The following GRIN2A variants were observed in gnomAD, a reference collection of about 807,000 sequenced individuals.
GRIN2A encodes the protein glutamate receptor ionotropic, NMDA 2A.
Under a neutral mutation model 113.4 loss-of-function variants are expected in GRIN2A, and 22 were observed. The observed-to-expected ratio is 0.19, with a 90% CI of 0.14 to 0.28. GRIN2A has a LOEUF of 0.28. Ranked by LOEUF, GRIN2A falls within the 10% of genes least tolerant of loss-of-function variation. The pLI is 1.00. For missense variants in GRIN2A, 1,502 were observed against 1,887.0 expected (o/e 0.80, Z 3.78); for synonymous variants, 827 against 738.4 (o/e 1.12, Z -1.94).
intron 4 of GRIN2A, among the ~76,000 whole-genome samples, chr16:9,887,874 C>T (rs2043615458): frequency 6.6e-6 from 1 of 152,132 alleles, no homozygotes; most frequent in South Asian, 2.1e-4. Context: ...GCCTGGCCAA[C>T]ATGGTGCAAC....
In GRIN2A at chr16:9,843,163, C is replaced by T. The variant is rs138482817; in HGVS notation, c.1329-2059G>A. Among the ~76,000 whole-genome samples the T allele has an allele frequency of 9.0e-3, 1,358 of 151,380 alleles. 14 individuals carry two copies. The highest frequency in any genetic ancestry group is 0.031 in the African/African-American group (1,266 of 41,228). ...AAGAAAGAAGCAAGCTATTTTGGAACGGTGAAAAACATGTTTTCTTTTTTA... is the reference window on the plus strand; with the variant it reads ...AAGAAAGAAGCAAGCTATTTTGGAATGGTGAAAAACATGTTTTCTTTTTTA... On this transcript the variant is annotated intron_variant, in intron 5 of 12. Transcript: ENST00000330684.
chr16:10,104,466 G>T (rs1890572010), intron 2 of GRIN2A, among the ~76,000 whole-genome samples: 1 of 152,120 alleles, frequency 6.6e-6, no homozygotes, highest in South Asian at 2.1e-4. Context: ...TAGAATGAAT[G>T]ACTTAATAAT....
chr16:10,052,679 C>T (rs558892683), intron 2 of GRIN2A, among the ~76,000 whole-genome samples: 1 of 152,184 alleles, frequency 6.6e-6, no homozygotes. Context: ...AGGCAGGAAG[C>T]TTCAATCACT....
chr16:9,796,615 G>C (rs1447555875), intron 11 of GRIN2A, among the ~76,000 whole-genome samples: 1 of 152,230 alleles, frequency 6.6e-6, no homozygotes, highest in Non-Finnish European at 1.5e-5. Flanking sequence ...TGTGCAGCTA[G>C]GCGTTCCTTT....
At chr16:9,802,871 G>C (rs909858127) in intron 10 of GRIN2A, among the ~76,000 whole-genome samples, 1 of 152,124 alleles carries the variant, frequency 6.6e-6, no homozygotes, top group African/African-American at 2.4e-5. Context: ...GTGCCTATGG[G>C]CTATTGCGGC....
rs892519665 is a variant in GRIN2A, at chr16:9,758,383, GAAGGGGCCAAGAACGCCA to G, written c.*4748_*4765del. 1 of 223,268 alleles carries G rather than the reference GAAGGGGCCAAGAACGCCA, an allele frequency of 4.5e-6. No individual in the cohort carries two copies. The highest frequency in any genetic ancestry group is 2.2e-5 in the African/African-American group (1 of 44,792). 13.8% of individuals were successfully genotyped at this position (223,268 alleles called of 1,614,324 possible). On this transcript the variant is annotated 3_prime_UTR_variant, in exon 13 of 13. Transcript: ENST00000330684. ...TCATCCCAGAGTTTTGTTTTTTAAA[GAAGGGGCCAAGAACGCCA>G]ACACCCATATTCTACTTAGGCTCTG...
rs188097168 is a variant in GRIN2A at position 9,977,350 on chromosome 16, A to G, written c.415-38799T>C. ...CCGGAGTTTGAATCCTGGGTTTATC[A>G]TTTGCTAATTGAGTGATTTTAGGAA... On this transcript the variant is annotated intron_variant, in intron 2 of 12. Coordinates refer to ENST00000330684, the MANE Select transcript of GRIN2A (RefSeq NM_001134407.3). Among the ~76,000 whole-genome samples the G allele has an allele frequency of 1.4e-3, 211 of 152,186 alleles. 2 individuals are homozygous for G. The highest frequency in any genetic ancestry group is 4.4e-4 in the Non-Finnish European group (30 of 68,020).
chr16:9,840,242 G>A (rs900244961), intron 7 of GRIN2A, among the ~76,000 whole-genome samples: 10 of 152,206 alleles, frequency 6.6e-5, no homozygotes, highest in Non-Finnish European at 1.2e-4. Context: ...AAGCAGACAC[G>A]TCTTACATGG....
In GRIN2A at chr16:9,830,656, A is replaced by G. The variant is rs139840216; in HGVS notation, c.1778-1004T>C. 5.5e-3 allele frequency among the ~76,000 whole-genome samples: 845 copies of G among 152,308 alleles called. 2 individuals are homozygous for G. The highest frequency in any genetic ancestry group is 0.016 in the African/African-American group (668 of 41,554). ...GCAATAAATAAAGTGGCAGAAGCAA[A>G]TTCACATTAATGGAAGTTATGAAGT... On this transcript the variant is annotated intron_variant, in intron 8 of 12. Coordinates refer to ENST00000330684, the MANE Select transcript of GRIN2A (RefSeq NM_001134407.3).
Position 9,764,169 on chromosome 16 carries a change from C to G in GRIN2A, c.3375G>C (p.Glu1125Asp), listed in dbSNP as rs1177482891. 2 of 1,613,390 alleles carry G rather than the reference C, an allele frequency of 1.2e-6. No homozygotes were observed. The highest frequency in any genetic ancestry group is 1.7e-5 in the Admixed American group (1 of 59,990). ...DKIYTIDGEK[E>D]PGFHLDPPQF... ...GGGGTGGATCTAAGTGGAAACCAGG[C>G]TCCTTCTCACCATCTATAGTGTAGA... Residue 1125 changes from glutamate to aspartate, a missense_variant, in exon 13 of 13, where the codon GAG becomes GAC. Coordinates refer to ENST00000330684, the MANE Select transcript of GRIN2A (RefSeq NM_001134407.3).
intron 5 of GRIN2A, among the ~76,000 whole-genome samples, chr16:9,842,951 A>AGAGAG: frequency 6.9e-6 from 1 of 145,234 alleles, no homozygotes; most frequent in African/African-American, 2.6e-5. Flanking sequence ...GAAAGAAAGA[A>AGAGAG]AGAGAGAGAG....
intron 4 of GRIN2A, among the ~76,000 whole-genome samples, chr16:9,854,636 T>C (rs532743328): frequency 1.3e-5 from 2 of 152,290 alleles, no homozygotes; most frequent in South Asian, 4.1e-4. Flanking sequence ...TCTTCTGCTA[T>C]TCTCTAAACT....
chr16:10,173,914 C>T (rs1409550538), intron 2 of GRIN2A, among the ~76,000 whole-genome samples: 1 of 152,160 alleles, frequency 6.6e-6, no homozygotes, highest in Non-Finnish European at 1.5e-5. Context: ...TCCTTTTCTG[C>T]TCCTAAGACA....
At chr16:10,049,512 G>C (rs2047319650) in intron 2 of GRIN2A, among the ~76,000 whole-genome samples, 2 of 151,948 alleles carry the variant, frequency 1.3e-5, no homozygotes, top group African/African-American at 4.8e-5. Flanking sequence ...TGAGTAGCTG[G>C]GGTTACAAGC....
chr16:10,114,175 A>C (rs1281658621), intron 2 of GRIN2A, among the ~76,000 whole-genome samples: 3 of 152,180 alleles, frequency 2.0e-5, no homozygotes, highest in Non-Finnish European at 4.4e-5. Context: ...TGGGCAACAG[A>C]GCAAGACCCT....
chr16:9,776,277 GATT>G (rs1334800998), intron 11 of GRIN2A, among the ~76,000 whole-genome samples: 1 of 113,394 alleles, frequency 8.8e-6, no homozygotes, highest in East Asian at 3.4e-4. Flanking sequence ...TAACATCCTG[GATT>G]TTTTTTTTTT....
At chr16:10,009,345 T>C (rs181849255) in intron 2 of GRIN2A, among the ~76,000 whole-genome samples, 4 of 151,582 alleles carry the variant, frequency 2.6e-5, no homozygotes, top group African/African-American at 7.3e-5. Flanking sequence ...CACAATAGAG[T>C]TGACACACAG....
rs536845133 is a variant in GRIN2A, at chr16:10,151,061, G to T, written c.414+28937C>A. Among the ~76,000 whole-genome samples the T allele has an allele frequency of 1.4e-4, 22 of 152,322 alleles. No individual in the cohort carries two copies. In the South Asian group the frequency reaches 3.9e-3, roughly 27 times the overall value. ...TGGGGACTAAACAATGATGAAACAG[G>T]CATGTGTTAATTTCTTTGGCTGCAT... On this transcript the variant is annotated intron_variant, in intron 2 of 12. Coordinates refer to ENST00000330684, the MANE Select transcript of GRIN2A (RefSeq NM_001134407.3).
intron 2 of GRIN2A, among the ~76,000 whole-genome samples, chr16:9,993,533 G>C (rs983953261): frequency 6.6e-6 from 1 of 152,158 alleles, no homozygotes; most frequent in Non-Finnish European, 1.5e-5. Flanking sequence ...TCCAGCCTGG[G>C]TGACACGAAG....
Sources: gnomAD v4.1 joint callset for allele counts (sites outside exome capture counted in the v4.1 genomes callset) on GRCh38, gnomAD v4.1.1 for gene constraint, MANE v1.5 for transcripts, NCBI Gene and HGNC (gene_info 2026-07-23, HGNC 2026-07-21) for gene names.